ACOXL: variants seen among roughly 807,000 people sequenced by gnomAD.
ACOXL encodes the protein acyl-CoA oxidase like, also known as acyl-coenzyme A oxidase-like protein.
Under a neutral mutation model 71.9 loss-of-function variants are expected in ACOXL, and 70 were observed. The observed-to-expected ratio is 0.97, with a 90% CI of 0.80 to 1.19. The LOEUF is 1.19. Among genes scored for constraint, ACOXL ranks in the 50% most tolerant of loss-of-function variants. The probability of loss-of-function intolerance (pLI) is 0.00; values close to 1 mark genes in which losing one functional copy is unlikely to be tolerated. For missense variants in ACOXL, 703 were observed against 736.3 expected (o/e 0.95, Z 0.52); for synonymous variants, 253 against 281.6 (o/e 0.90, Z 1.02).
chr2:110,954,342 C>T (rs2061426430), intron 12 of ACOXL, among the ~76,000 whole-genome samples: 1 of 152,150 alleles, frequency 6.6e-6, no homozygotes, highest in Non-Finnish European at 1.5e-5. Flanking sequence ...TAGTTATTGT[C>T]ATCACTGATA....
chr2:110,765,258 TG>T (rs1308118291), intron 1 of ACOXL, among the ~76,000 whole-genome samples: 1 of 152,228 alleles, frequency 6.6e-6, no homozygotes, highest in Non-Finnish European at 1.5e-5. Context: ...TTTCTTGACA[TG>T]GGCTTCTTTG....
intron 12 of ACOXL, among the ~76,000 whole-genome samples, chr2:110,935,129 C>T (rs1004851535): frequency 1.3e-5 from 2 of 152,084 alleles, no homozygotes; most frequent in African/African-American, 4.8e-5. Context: ...CCTGAAGTGG[C>T]CCCTCAGGCA....
chr2:110,907,612 G>A (rs2059502287), intron 10 of ACOXL, among the ~76,000 whole-genome samples: 1 of 152,092 alleles, frequency 6.6e-6, no homozygotes, highest in Admixed American at 6.5e-5. Flanking sequence ...GTCATCTGTG[G>A]GGTGGTTAGA....
At chr2:110,751,856 T>A (rs1679009538) in intron 1 of ACOXL, among the ~76,000 whole-genome samples, 1 of 152,192 alleles carries the variant, frequency 6.6e-6, no homozygotes, top group Non-Finnish European at 1.5e-5. Context: ...CATATTTTAG[T>A]GGTATATTAA....
Position 111,065,985 on chromosome 2 carries a change from A to G in ACOXL, c.1440+16697A>G, listed in dbSNP as rs74791643. Among the ~76,000 whole-genome samples the G allele has an allele frequency of 5.0e-3, 766 of 152,304 alleles. 9 individuals carry two copies. The highest frequency in any genetic ancestry group is 8.1e-3 in the Non-Finnish European group (549 of 68,010). The stretch of plus-strand genomic sequence containing the variant: ...AGTGTAGCAGCTTCTTAGAAGACGA[A>G]ACACATGCTTACCATACAGCCCAGA... On this transcript the variant is annotated intron_variant, in intron 16 of 17. Transcript: ENST00000439055.
intron 9 of ACOXL, among the ~76,000 whole-genome samples, chr2:110,840,051 G>A (rs553108262): frequency 1.3e-5 from 2 of 151,922 alleles, no homozygotes; most frequent in African/African-American, 2.4e-5. Flanking sequence ...GTGCGGTGGC[G>A]CAATCTCAGC....
intron 11 of ACOXL, among the ~76,000 whole-genome samples, chr2:110,920,735 G>A (rs891585863): frequency 2.0e-4 from 30 of 152,064 alleles, no homozygotes; most frequent in African/African-American, 7.0e-4. Flanking sequence ...AAAGATAGAT[G>A]ATGTTTTTCT....
chr2:110,954,972 A>G (rs1027597141), intron 12 of ACOXL, among the ~76,000 whole-genome samples: 3 of 152,212 alleles, frequency 2.0e-5, no homozygotes, highest in East Asian at 1.9e-4. Context: ...GGAATCAGCT[A>G]TCTAATAGTA....
At position 110,914,447 on chromosome 2, in the gene ACOXL, G is replaced by T. The variant is rs148951598; in HGVS notation, c.905+5542G>T. Among the ~76,000 whole-genome samples, 308 of 152,228 alleles carry T rather than the reference G, an allele frequency of 2.0e-3. 2 individuals carry two copies. The highest frequency in any genetic ancestry group is 7.2e-3 in the African/African-American group (299 of 41,530). On this transcript the variant is annotated intron_variant, in intron 11 of 17. Coordinates refer to ENST00000439055, the MANE Select transcript of ACOXL (RefSeq NM_001142807.4). ...AAATCTTGCACATTTTTCACTAAAT[G>T]TAGTCAAAAGGCATTGATTTTTAAT...
intron 10 of ACOXL, among the ~76,000 whole-genome samples, chr2:110,879,614 G>A (rs927258267): frequency 9.8e-5 from 15 of 152,294 alleles, no homozygotes; most frequent in African/African-American, 3.6e-4. Context: ...GCCATCAAAT[G>A]TTGAAATCAG....
At chr2:110,973,818 G>C (rs2062324150) in intron 12 of ACOXL, among the ~76,000 whole-genome samples, 2 of 152,196 alleles carry the variant, frequency 1.3e-5, no homozygotes, top group South Asian at 4.1e-4. Context: ...AGCGACTACA[G>C]TAATAGCATC....
chr2:111,050,201 A>G (rs76859483), intron 16 of ACOXL, among the ~76,000 whole-genome samples: 1 of 152,088 alleles, frequency 6.6e-6, no homozygotes, highest in Non-Finnish European at 1.5e-5. Flanking sequence ...TGGAAAAAAA[A>G]TAGGGTGTCA....
intron 16 of ACOXL, among the ~76,000 whole-genome samples, chr2:111,074,767 A>T (rs1220594797): frequency 6.6e-6 from 1 of 151,578 alleles, no homozygotes; most frequent in Non-Finnish European, 1.5e-5. Context: ...GCTAATTTCT[A>T]TATTTTTTTT....
intron 12 of ACOXL, among the ~76,000 whole-genome samples, chr2:110,944,119 A>G (rs2061004645): frequency 1.3e-5 from 2 of 152,138 alleles, no homozygotes; most frequent in East Asian, 1.9e-4. Flanking sequence ...GTGCAGTGGC[A>G]TGATCTTGGC....
intron 17 of ACOXL, among the ~76,000 whole-genome samples, 200 bp from the exon 18 acceptor site, chr2:111,117,416 G>A (rs1341283213): frequency 1.3e-5 from 2 of 152,234 alleles, no homozygotes; most frequent in Non-Finnish European, 2.9e-5. Context: ...ACTGGGCTAG[G>A]TGTCAGAGTT....
intron 14 of ACOXL, among the ~76,000 whole-genome samples, chr2:111,004,850 A>C (rs1175750366): frequency 6.6e-6 from 1 of 152,224 alleles, no homozygotes; most frequent in Non-Finnish European, 1.5e-5. Context: ...GGAGAGTGAT[A>C]GCAGCCACTC....
chr2:110,894,964 A>G (rs1007359310), intron 10 of ACOXL, among the ~76,000 whole-genome samples: 5 of 152,348 alleles, frequency 3.3e-5, no homozygotes, highest in African/African-American at 1.2e-4. Flanking sequence ...AATAAGATCT[A>G]GAGTCTCACA....
chr2:110,974,905 C>T (rs2062375484), intron 12 of ACOXL, among the ~76,000 whole-genome samples: 2 of 152,148 alleles, frequency 1.3e-5, no homozygotes, highest in South Asian at 2.1e-4. Flanking sequence ...CCCTTTTGTA[C>T]TTTTTCCTTG....
At chr2:110,845,029 A>G (rs1028488292) in intron 10 of ACOXL, among the ~76,000 whole-genome samples, 17 of 152,204 alleles carry the variant, frequency 1.1e-4, no homozygotes, top group African/African-American at 3.9e-4. Flanking sequence ...GTGTGGTGAA[A>G]TATGCCTAAC....
Sources: allele counts gnomAD v4.1 joint callset (sites outside exome capture counted in the v4.1 genomes callset), GRCh38; gene constraint gnomAD v4.1.1; transcripts MANE v1.5; gene names NCBI Gene and HGNC (gene_info 2026-07-23, HGNC 2026-07-21).